Variants in EFHB observed in about 807,000 individuals in gnomAD.
The protein encoded by EFHB is EF-hand domain family member B.
Under a neutral mutation model 87.2 loss-of-function variants are expected in EFHB, and 91 were observed. The ratio of observed to expected loss-of-function variants is 1.04; its 90% CI spans 0.88 to 1.24. EFHB has a LOEUF of 1.24. EFHB is among the 50% of genes most tolerant of loss of function. The pLI, the probability that EFHB is intolerant of heterozygous loss-of-function variation, is 0.00. For synonymous variants in EFHB, 325 were observed against 333.6 expected, an observed-to-expected ratio of 0.97 and a Z score of 0.28; for missense variants, 1,084 against 998.8, an observed-to-expected ratio of 1.09 and a Z score of -1.15.
upstream of EFHB, chr3:19,936,107 A>G (rs1338306342): frequency 7.6e-7 from 1 of 1,324,434 alleles, no homozygotes; most frequent in Admixed American, 3.5e-5. Context: ...ATATTTTTTT[A>G]AAAGTGTGTA....
chr3:19,884,387 C>T lies in EFHB; in HGVS notation c.2146+16G>A. On this transcript the variant is annotated intron_variant, in intron 11 of 12. Transcript: ENST00000295824. The stretch of plus-strand genomic sequence containing the variant: ...GTTTGTTGATGCTTTTAAAACTTGA[C>T]AAATAAGTGACATACAAGTAGAAGG... 1 of 1,608,286 alleles carries T rather than the reference C, an allele frequency of 6.2e-7. No homozygotes were observed. Among genetic ancestry groups the T allele is most frequent in the Non-Finnish European group, 8.5e-7 (1 of 1,176,696 alleles).
chr3:19,938,313 G>A (rs1005887261), upstream of EFHB, among the ~76,000 whole-genome samples: 2 of 152,136 alleles, frequency 1.3e-5, no homozygotes, highest in Non-Finnish European at 2.9e-5. Flanking sequence ...CTCTTAAGAC[G>A]CTTGCATTTA....
chr3:19,916,866 T>C (rs1395028189), intron 4 of EFHB, among the ~76,000 whole-genome samples: 2 of 152,246 alleles, frequency 1.3e-5, no homozygotes, highest in African/African-American at 4.8e-5. Context: ...TACCAGAAGA[T>C]GATTCCAATC....
intron 6 of EFHB, among the ~76,000 whole-genome samples, chr3:19,902,003 A>G (rs913804005): frequency 2.0e-5 from 3 of 152,110 alleles, no homozygotes; most frequent in Non-Finnish European, 4.4e-5. Context: ...TGCAGAGATG[A>G]TAAGAAAAAG....
chr3:19,941,182 T>C (rs1202306106), intron 1 of EFHB: 5 of 374,086 alleles, frequency 1.3e-5, no homozygotes, highest in African/African-American at 2.2e-5. Flanking sequence ...CAGGAAAATA[T>C]CATGAATCTG....
Position 19,920,533 on chromosome 3 carries a change from G to A in EFHB, c.824C>T (p.Ala275Val). Residue 275 changes from alanine (A) to valine (V), a missense_variant, in exon 2 of 13, where the codon GCA (alanine) becomes GTA (valine). Coordinates refer to ENST00000295824, the MANE Select transcript of EFHB (RefSeq NM_144715.4). ...GKVIPVGYRV[A>V]TCLTEKLPRL... ...GGGAAGTTTTTCAGTCAAGCAGGTT[G>A]CAACTCTGTAACCAACTGGAATAAC... is the stretch of plus-strand genomic sequence containing the variant. 1.2e-6 allele frequency: 2 copies of A among 1,604,258 alleles called. No individual in the cohort carries two copies. The highest frequency in any genetic ancestry group is 1.1e-5 in the South Asian group (1 of 88,928).
At chr3:19,946,825 A>T (rs1696297797) in intron 1 of EFHB, 1 of 152,324 alleles carries the variant, frequency 6.6e-6, no homozygotes, top group Non-Finnish European at 1.5e-5. Context: ...CCCAAAGAAT[A>T]GTAAAGGAAT....
At chr3:19,937,314 T>G (rs1404173813), upstream of EFHB, among the ~76,000 whole-genome samples, 1 of 152,200 alleles carries the variant, frequency 6.6e-6, no homozygotes, top group Non-Finnish European at 1.5e-5. Context: ...GTTTATAAAG[T>G]GCAATGTTAT....
intron 6 of EFHB, among the ~76,000 whole-genome samples, chr3:19,903,910 C>G (rs1464414468): frequency 6.6e-6 from 1 of 152,088 alleles, no homozygotes. Flanking sequence ...CCCTCTGTAC[C>G]TCAGCTTTTT....
At chr3:19,916,237 G>T (rs187266540) in intron 4 of EFHB, among the ~76,000 whole-genome samples, 1 of 152,260 alleles carries the variant, frequency 6.6e-6, no homozygotes, top group African/African-American at 2.4e-5. Context: ...TTCCCAGGCT[G>T]GGCTCAGTGG....
At chr3:19,884,313 T>C in intron 11 of EFHB, 90 bp downstream of exon 11, 1 of 1,239,410 alleles carries the variant, frequency 8.1e-7, no homozygotes, top group Non-Finnish European at 1.1e-6. Flanking sequence ...TTGGGAAACT[T>C]AATCTAACGG....
At chr3:19,918,117 T>C in intron 4 of EFHB, 115 bp downstream of exon 4, 1 of 1,129,200 alleles carries the variant, frequency 8.9e-7, no homozygotes, top group South Asian at 1.7e-5. Flanking sequence ...TCTTTCCTTC[T>C]TGAGTCATCG....
chr3:19,931,288 A>G (rs1222508491), intron 1 of EFHB, among the ~76,000 whole-genome samples: 1 of 152,098 alleles, frequency 6.6e-6, no homozygotes, highest in Non-Finnish European at 1.5e-5. Flanking sequence ...TCTCCTTGAC[A>G]CTCTCTTTCT....
intron 10 of EFHB, among the ~76,000 whole-genome samples, chr3:19,885,049 C>G (rs999394038): frequency 2.6e-5 from 4 of 151,802 alleles, no homozygotes; most frequent in Non-Finnish European, 5.9e-5. Flanking sequence ...TGATGAAACC[C>G]CGTCTCTATT....
rs1397327186 is a variant in EFHB at position 19,888,440 on chromosome 3, A to G, written c.1933+4T>C. ...AATTCATCAAACCTTCAAAAATTAA[A>G]TACCTTTAATAATGACCCTCTCTTC... On this transcript the variant is annotated splice_donor_region_variant and intron_variant, in intron 10 of 12. Coordinates refer to ENST00000295824, the MANE Select transcript of EFHB (RefSeq NM_144715.4). 1 of 1,367,270 alleles carries G rather than the reference A, an allele frequency of 7.3e-7. No homozygotes were observed. The highest frequency in any genetic ancestry group is 9.6e-7 in the Non-Finnish European group (1 of 1,039,868). 84.7% of individuals were successfully genotyped at this position (1,367,270 alleles called of 1,614,324 possible). A position where few individuals can be genotyped will look rare whatever the true frequency, so the allele number is the denominator to read the frequency against.
At chr3:19,912,558 C>G (rs996326190) in intron 5 of EFHB, among the ~76,000 whole-genome samples, 2 of 152,122 alleles carry the variant, frequency 1.3e-5, no homozygotes, top group Non-Finnish European at 2.9e-5. Flanking sequence ...CACACAGAAA[C>G]ACACAGAGTA....
In EFHB at chr3:19,933,625, T is replaced by A; in HGVS notation, c.394A>T (p.Arg132Trp). Residue 132 changes from arginine to tryptophan, a missense_variant, in exon 1 of 13, where the codon AGG becomes TGG. Arg to Trp is a moderately radical substitution (Grantham distance 101). Transcript: ENST00000295824. ...HERIIQPPLG[R>W]VCGSSQAAGS... ...GCAGCCTGTGAACTTCCACACACCC[T>A]GCCCAAAGGAGGCTGTATTATCCGT... is the stretch of plus-strand genomic sequence containing the variant. 2 of 1,614,024 alleles carry A rather than the reference T, an allele frequency of 1.2e-6. No homozygotes were observed. Among genetic ancestry groups the A allele is most frequent in the South Asian group, 2.2e-5 (2 of 91,086 alleles).
At position 19,887,382 on chromosome 3, in the gene EFHB, C is replaced by CAAA. The variant is rs532733257; in HGVS notation, c.1933+1059_1933+1061dup. Among the ~76,000 whole-genome samples the CAAA allele has an allele frequency of 5.4e-3, 517 of 95,454 alleles. 3 individuals carry two copies. The highest frequency in any genetic ancestry group is 0.017 in the African/African-American group (493 of 29,492). 62.6% of individuals were successfully genotyped at this position (95,454 alleles called of 152,430 possible). ...CCTGGGCAACAGAGCAAGACCCTAT[C>CAAA]AAAAAAAAAAAAAAAAAAAGGAAGA... On this transcript the variant is annotated intron_variant, in intron 10 of 12. Transcript: ENST00000295824.
intron 3 of EFHB, among the ~76,000 whole-genome samples, chr3:19,919,485 G>C (rs1013540695): frequency 6.6e-6 from 1 of 152,060 alleles, no homozygotes; most frequent in Non-Finnish European, 1.5e-5. Context: ...GGGATTACAG[G>C]CATGAGCCAC....
Sources: allele counts gnomAD v4.1 joint callset (sites outside exome capture counted in the v4.1 genomes callset), GRCh38; gene constraint gnomAD v4.1.1; transcripts MANE v1.5; gene names NCBI Gene and HGNC (gene_info 2026-07-23, HGNC 2026-07-21).